Variants in RBFOX1 observed in about 807,000 individuals in gnomAD.
RBFOX1 encodes the protein RNA binding protein fox-1 homolog 1.
RBFOX1 carries 8 observed loss-of-function variants against 57.7 expected under a neutral mutation model. The observed-to-expected ratio is 0.14, with a 90% CI of 0.08 to 0.25. The LOEUF (loss-of-function observed/expected upper bound fraction) is 0.25, where lower values mean the gene tolerates loss of function less well. Among genes scored for constraint, RBFOX1 ranks in the 10% least tolerant of loss-of-function variants. The probability of loss-of-function intolerance (pLI) is 1.00; values close to 1 mark genes in which losing one functional copy is unlikely to be tolerated. For synonymous variants in RBFOX1, 326 were observed against 222.4 expected (o/e 1.47, Z -4.15); for missense variants, 611 against 548.5 (o/e 1.11, Z -1.14).
At chr16:6,936,804 C>T (rs9931620) in intron 3 of RBFOX1, among the ~76,000 whole-genome samples, 1,890 of 151,964 alleles carry the variant, frequency 0.012, 44 homozygotes, top group African/African-American at 0.043. Flanking sequence ...AGCCTGTGCC[C>T]AAAACGCTTT....
intron 4 of RBFOX1, among the ~76,000 whole-genome samples, chr16:5,894,188 C>A (rs925440072): frequency 1.3e-5 from 2 of 152,070 alleles, no homozygotes; most frequent in Non-Finnish European, 2.9e-5. Flanking sequence ...CCCTTTCACA[C>A]CACTCTGTTT....
intron 3 of RBFOX1, among the ~76,000 whole-genome samples, chr16:7,014,568 C>T (rs758461297): frequency 3.3e-5 from 5 of 151,934 alleles, no homozygotes; most frequent in South Asian, 4.2e-4. Context: ...CACTGCACCC[C>T]GTCTTAAACT....
intron 12 of RBFOX1, among the ~76,000 whole-genome samples, chr16:7,663,514 TG>T (rs2068342383): frequency 6.6e-6 from 1 of 151,716 alleles, no homozygotes; most frequent in African/African-American, 2.4e-5. Context: ...CGTGTGTGTG[TG>T]TGTGTGTGTG....
intron 5 of RBFOX1, among the ~76,000 whole-genome samples, chr16:7,578,990 A>AC (rs1449498226): frequency 3.3e-5 from 5 of 152,244 alleles, no homozygotes. Context: ...TGGTCTAGGC[A>AC]AACAGAGCAC....
In RBFOX1 at chr16:7,480,618, C is replaced by G. The variant is rs191466501; in HGVS notation, c.28-37529C>G. Among the ~76,000 whole-genome samples, 807 of 152,322 alleles carry G rather than the reference C, an allele frequency of 5.3e-3. 30 individuals are homozygous for G. The highest frequency in any genetic ancestry group is 0.048 in the Admixed American group (735 of 15,302). ...GGACTCATTTTCATCTGCGGATTCC[C>G]TCTTGCCTGAAGGCCTTGGTGCCGC... On this transcript the variant is annotated intron_variant, in intron 4 of 15. Coordinates refer to ENST00000550418, the MANE Select transcript of RBFOX1 (RefSeq NM_018723.4).
At chr16:6,471,931 A>C (rs2095184354) in intron 2 of RBFOX1, among the ~76,000 whole-genome samples, 1 of 152,172 alleles carries the variant, frequency 6.6e-6, no homozygotes, top group African/African-American at 2.4e-5. Context: ...TCAGCAGCCA[A>C]GGCAACAACT....
intron 1 of RBFOX1, among the ~76,000 whole-genome samples, chr16:5,409,574 T>G (rs1040082526): frequency 1.3e-5 from 2 of 152,252 alleles, no homozygotes; most frequent in African/African-American, 2.4e-5. Context: ...CAAATATTTA[T>G]TGAGCACATA....
intron 4 of RBFOX1, among the ~76,000 whole-genome samples, chr16:7,255,883 A>G (rs894606529): frequency 2.6e-5 from 4 of 152,226 alleles, no homozygotes; most frequent in Admixed American, 6.5e-5. Context: ...CAATAGCCAC[A>G]TATGGCTTTC....
chr16:5,687,400 C>G (rs1184978315), intron 3 of RBFOX1, among the ~76,000 whole-genome samples: 4 of 152,130 alleles, frequency 2.6e-5, no homozygotes, highest in African/African-American at 9.7e-5. Flanking sequence ...CGTCCTTAAA[C>G]TTTTTAGCTT....
intron 4 of RBFOX1, among the ~76,000 whole-genome samples, chr16:5,993,179 T>C (rs2060431169): frequency 6.6e-6 from 1 of 152,212 alleles, no homozygotes; most frequent in South Asian, 2.1e-4. Context: ...TTACACATGA[T>C]AAATAAGTAG....
chr16:5,715,699 G>A (rs1442087053), intron 3 of RBFOX1, among the ~76,000 whole-genome samples: 2 of 152,204 alleles, frequency 1.3e-5, no homozygotes, highest in Non-Finnish European at 2.9e-5. Context: ...TCTCAGGAAA[G>A]CAAGCAATGT....
chr16:5,576,830 G>A (rs1182653641), intron 2 of RBFOX1, among the ~76,000 whole-genome samples: 1 of 152,218 alleles, frequency 6.6e-6, no homozygotes, highest in Non-Finnish European at 1.5e-5. Context: ...GGGTCTGAGC[G>A]CTAGAGAACT....
At chr16:6,840,289 G>A (rs192220269) in intron 3 of RBFOX1, among the ~76,000 whole-genome samples, 16 of 152,132 alleles carry the variant, frequency 1.1e-4, no homozygotes, top group Non-Finnish European at 1.5e-4. Context: ...TCCGAAAAAT[G>A]AAAAGGCAAC....
chr16:7,172,591 A>G (rs2080907997), intron 4 of RBFOX1, among the ~76,000 whole-genome samples: 3 of 151,630 alleles, frequency 2.0e-5, no homozygotes, highest in East Asian at 1.9e-4. Context: ...TGTTTCCTTC[A>G]TATTGGAGAA....
intron 1 of RBFOX1, among the ~76,000 whole-genome samples, chr16:6,301,075 A>T (rs1242238194): frequency 6.6e-6 from 1 of 152,140 alleles, no homozygotes; most frequent in Non-Finnish European, 1.5e-5. Flanking sequence ...ATGAGTTGTC[A>T]TTGAAAAAAA....
chr16:6,661,407 G>C (rs1298783667), intron 3 of RBFOX1, among the ~76,000 whole-genome samples: 2 of 152,206 alleles, frequency 1.3e-5, no homozygotes, highest in South Asian at 2.1e-4. Flanking sequence ...GTGTGTCTGA[G>C]ATTGGCTAAA....
chr16:7,025,982 C>G (rs1212880356), intron 3 of RBFOX1, among the ~76,000 whole-genome samples: 1 of 152,186 alleles, frequency 6.6e-6, no homozygotes, highest in Non-Finnish European at 1.5e-5. Context: ...GTGCAGGTAT[C>G]TGTAGACTGG....
At position 7,481,040 on chromosome 16, in the gene RBFOX1, CAA is replaced by C. The variant is rs539759425; in HGVS notation, c.28-37104_28-37103del. ...GGCCAAAGAACCCTAGCTCTTGAGACAAAACATCCTGGGCTTGAATTCTAGCT... is the reference window on the plus strand; with the variant it reads ...GGCCAAAGAACCCTAGCTCTTGAGACAACATCCTGGGCTTGAATTCTAGCT... On this transcript the variant is annotated intron_variant, in intron 4 of 15. Transcript: ENST00000550418. 1.0e-3 allele frequency among the ~76,000 whole-genome samples: 157 copies of C among 152,278 alleles called. 2 individuals are homozygous for C. The highest frequency in any genetic ancestry group is 3.6e-3 in the African/African-American group (149 of 41,562).
chr16:6,509,624 C>G (rs1297162175), intron 2 of RBFOX1, among the ~76,000 whole-genome samples: 1 of 152,038 alleles, frequency 6.6e-6, no homozygotes, highest in Non-Finnish European at 1.5e-5. Context: ...TGTTTGCTAG[C>G]AAAACAGGGT....
Sources: gnomAD v4.1 joint callset for allele counts (sites outside exome capture counted in the v4.1 genomes callset) on GRCh38, gnomAD v4.1.1 for gene constraint, MANE v1.5 for transcripts, NCBI Gene and HGNC (gene_info 2026-07-23, HGNC 2026-07-21) for gene names.